The following MYO15B variants were observed in gnomAD, a reference collection of about 807,000 sequenced individuals.
The protein encoded by MYO15B is myosin XVB, also known as myosin XVB pseudogene.
MYO15B carries 207 observed loss-of-function variants against 119.3 expected under a neutral mutation model. That is an observed-to-expected ratio of 1.73 (90% CI 1.55 to 1.95). The LOEUF (loss-of-function observed/expected upper bound fraction) is 1.95, where lower values mean the gene tolerates loss of function less well. Ranked by LOEUF, MYO15B falls within the 30% of genes most tolerant of loss-of-function variation. The pLI is 0.00. For synonymous variants in MYO15B, 966 were observed against 498.9 expected (o/e 1.94, Z -12.48); for missense variants, 2,264 against 1,203.1 (o/e 1.88, Z -13.04).
intron 23 of MYO15B, among the ~76,000 whole-genome samples, chr17:75,611,233 G>A (rs1321518127): frequency 6.6e-6 from 1 of 152,064 alleles, no homozygotes; most frequent in African/African-American, 2.4e-5. Context: ...AGGTCGAGGT[G>A]TGAGGATTGC....
At chr17:75,605,262 C>G (rs1307937078) in intron 19 of MYO15B, among the ~76,000 whole-genome samples, 1 of 151,946 alleles carries the variant, frequency 6.6e-6, no homozygotes, top group East Asian at 1.9e-4. Context: ...ACGGTGAAAC[C>G]CTGTCTCTAC....
At chr17:75,596,462 C>T in exon 13 of MYO15B, 1 of 702,948 alleles carries the variant, frequency 1.4e-6, no homozygotes. Context: ...GCCCCCAGGC[C>T]CTGCGGGTGA....
exon 58 of MYO15B, chr17:75,624,624 C>T (rs1472323004): frequency 1.4e-6 from 1 of 702,780 alleles, no homozygotes; most frequent in African/African-American, 1.7e-5. Context: ...CGCCCTCTTC[C>T]TCATCAAAGA....
intron 5 of MYO15B, 87 bp downstream of exon 5, chr17:75,591,799 CTT>C: frequency 1.4e-6 from 1 of 692,912 alleles, no homozygotes; most frequent in South Asian, 1.5e-5. Flanking sequence ...AAGGGACTAT[CTT>C]TCTCCTTTCA....
At chr17:75,626,324 C>T in intron 63 of MYO15B, 83 bp from the exon 64 acceptor site, 1 of 699,088 alleles carries the variant, frequency 1.4e-6, no homozygotes, top group Non-Finnish European at 2.6e-6. Context: ...GGCCGATGCC[C>T]ACTGCTCCGG....
chr17:75,612,714 C>G, intron 25 of MYO15B, 84 bp from the exon 26 acceptor site: 3 of 685,748 alleles, frequency 4.4e-6, no homozygotes, highest in Non-Finnish European at 7.9e-6. Flanking sequence ...CCCTCTGCCT[C>G]TCCCGAGGTG....
chr17:75,608,967 C>T (rs531678967), intron 21 of MYO15B, among the ~76,000 whole-genome samples: 6 of 152,204 alleles, frequency 3.9e-5, no homozygotes, highest in African/African-American at 4.8e-5. Flanking sequence ...CTCCTGACCT[C>T]GTGATCTGCC....
chr17:75,624,018 G>A (rs369462408), exon 55 of MYO15B: 1 of 703,024 alleles, frequency 1.4e-6, no homozygotes, highest in African/African-American at 1.7e-5. Context: ...CGACCAGGCT[G>A]ATGCCCTACC....
rs538824854 is a variant in MYO15B at position 75,589,259 on chromosome 17, G to T, written c.1202G>T (p.Arg401Leu). The change falls in exon 1 of 64, where the codon CGG becomes CTG. Residue 401 changes from arginine (R) to leucine (L), a missense_variant. By Grantham distance (102) the Arg-to-Leu change is moderately radical. Coordinates refer to ENST00000645453, the Ensembl canonical transcript of MYO15B. This position sits in a 1 kb window ranked among gnomAD's most constrained non-coding sequence, Gnocchi z 4.2. ...GGCGAGGGGCAGGGTACCGGGCCAC[G>T]GGCGAGCGAGGGGTGGGGCCGCCGG... 51 of 398,524 alleles carry T rather than the reference G, an allele frequency of 1.3e-4. No homozygotes were observed. In the South Asian group the frequency reaches 5.7e-3, roughly 44 times the overall value. 24.7% of individuals were successfully genotyped at this position (398,524 alleles called of 1,614,324 possible). A position where few individuals can be genotyped will look rare whatever the true frequency, so the allele number is the denominator to read the frequency against.
At chr17:75,617,146 C>T (rs1040804655) in exon 41 of MYO15B, 18 of 687,310 alleles carry the variant, frequency 2.6e-5, no homozygotes, top group African/African-American at 7.1e-5. Context: ...CCCAAGGCCC[C>T]GCTACAGCTT....
chr17:75,591,046 C>G (rs991453313), intron 3 of MYO15B, 30 bp downstream of exon 3: 7 of 659,094 alleles, frequency 1.1e-5, no homozygotes, highest in East Asian at 2.7e-5. Context: ...TGACCCTCTG[C>G]TCACCTCCCA....
chr17:75,611,871 G>A lies in MYO15B; in HGVS notation c.4505-15G>A, dbSNP rs1017958090. On this transcript the variant is annotated splice_polypyrimidine_tract_variant and intron_variant, in intron 24 of 63. Coordinates refer to ENST00000645453, the Ensembl canonical transcript of MYO15B. ...CCTGGATGCTCCTGGGCTGCCTCCCGGTGCTTGTTCCCAGGCCATCGGGAC... is the reference window on the plus strand; with the variant it reads ...CCTGGATGCTCCTGGGCTGCCTCCCAGTGCTTGTTCCCAGGCCATCGGGAC... The A allele has an allele frequency of 1.7e-5, 12 of 702,706 alleles. No homozygotes were observed. The Middle Eastern group carries it at 9.1e-4, about 53-fold the overall frequency. The allele number at this position is 702,706 out of a possible 1,614,324, so 43.5% of individuals were successfully genotyped here. A position where few individuals can be genotyped will look rare whatever the true frequency, so the allele number is the denominator to read the frequency against.
chr17:75,599,765 G>A (rs1331842164), intron 14 of MYO15B, among the ~76,000 whole-genome samples: 1 of 151,158 alleles, frequency 6.6e-6, no homozygotes, highest in Non-Finnish European at 1.5e-5. Flanking sequence ...CGTGGTGGCG[G>A]GTGCCTGTAG....
At position 75,611,878 on chromosome 17, in the gene MYO15B, G is replaced by C. The variant is rs574551048; in HGVS notation, c.4505-8G>C. Reference sequence around the variant, plus strand: ...GCTCCTGGGCTGCCTCCCGGTGCTTGTTCCCAGGCCATCGGGACGCCCTGG... The same window carrying C: ...GCTCCTGGGCTGCCTCCCGGTGCTTCTTCCCAGGCCATCGGGACGCCCTGG... On this transcript the variant is annotated splice_region_variant and splice_polypyrimidine_tract_variant and intron_variant, in intron 24 of 63. Transcript: ENST00000645453. The C allele has an allele frequency of 8.3e-4, 586 of 702,946 alleles. 4 individuals carry two copies. In the African/African-American group the frequency reaches 8.4e-3, roughly 10 times the overall value. The allele number at this position is 702,946 out of a possible 1,614,324, so 43.5% of individuals were successfully genotyped here.
In MYO15B at chr17:75,592,183, G is replaced by T; in HGVS notation, c.2652-55G>T. On this transcript the variant is annotated intron_variant, in intron 6 of 63. Coordinates refer to ENST00000645453, the Ensembl canonical transcript of MYO15B. ...ACCCTGGTAGGGCTTCTTCTGCACG[G>T]GGCCCCTGGGTGTTCTGCATCCTGG... 4 of 701,486 alleles carry T rather than the reference G, an allele frequency of 5.7e-6. No homozygotes were observed. In the South Asian group the frequency reaches 5.9e-5, roughly 10 times the overall value. 43.5% of individuals were successfully genotyped at this position (701,486 alleles called of 1,614,324 possible).
At chr17:75,618,257 C>A (rs1276627436) in intron 43 of MYO15B, 72 bp downstream of exon 43, 3 of 698,098 alleles carry the variant, frequency 4.3e-6, no homozygotes, top group Non-Finnish European at 7.9e-6. Flanking sequence ...TGTCTAATGG[C>A]TGGGCCAGGT....
exon 46 of MYO15B, chr17:75,619,773 C>T (rs2058592385): frequency 1.4e-6 from 1 of 702,760 alleles, no homozygotes; most frequent in Non-Finnish European, 2.6e-6. Flanking sequence ...TCCGCCCCGA[C>T]CAGCTGAAGA....
chr17:75,615,213 A>G (rs774763183), intron 33 of MYO15B, 27 bp from the exon 34 acceptor site: 10 of 696,022 alleles, frequency 1.4e-5, no homozygotes, highest in Non-Finnish European at 2.4e-5. Context: ...CCAGGCAGGG[A>G]CTGACAGGGA....
At chr17:75,619,982 G>A (rs371078498) in exon 47 of MYO15B, 13 of 702,668 alleles carry the variant, frequency 1.9e-5, no homozygotes, top group South Asian at 7.4e-5. Context: ...AAGGGCCATC[G>A]AGGCGCTGGT....
Sources: gnomAD v4.1 joint callset for allele counts (sites outside exome capture counted in the v4.1 genomes callset) on GRCh38, gnomAD v4.1.1 for gene constraint, Gnocchi (gnomAD v3.1) non-coding constraint, MANE v1.5 for transcripts, NCBI Gene and HGNC (gene_info 2026-07-23, HGNC 2026-07-21) for gene names.